The following L1CAM variants were observed in gnomAD, a reference collection of about 807,000 sequenced individuals.
The protein encoded by L1CAM is L1 cell adhesion molecule.
A neutral mutation model predicts 93.0 loss-of-function variants in L1CAM; 8 were observed. The observed-to-expected ratio is 0.09, with a 90% CI of 0.05 to 0.16. The LOEUF (loss-of-function observed/expected upper bound fraction) is 0.16. L1CAM is among the 10% of genes least tolerant of loss of function. L1CAM has a pLI of 1.00. For missense variants in L1CAM, 777 were observed against 1,073.4 expected (o/e 0.72, Z 3.86); for synonymous variants, 453 against 453.0 (o/e 1.00, Z 0.00).
At position 153,865,008 on chromosome X, in the gene L1CAM, C is replaced by T; in HGVS notation, c.2873-14G>A. 2 of 1,212,108 alleles carry T rather than the reference C, an allele frequency of 1.7e-6. No individual in the cohort carries two copies. Among genetic ancestry groups the T allele is most frequent in the Non-Finnish European group, 2.2e-6 (2 of 895,498 alleles). On this transcript the variant is annotated splice_polypyrimidine_tract_variant and intron_variant, in intron 22 of 28. Coordinates refer to ENST00000370060, the MANE Select transcript of L1CAM (RefSeq NM_001278116.2). ...CCCCCTCATCCACTGTGGGGACAGA[C>T]AGGGGTTGGCTGTGGCTGCAGCTCT...
At chrX:153,871,712 G>C (rs1339281950) in intron 5 of L1CAM, among the ~76,000 whole-genome samples, 1 of 111,207 alleles carries the variant, frequency 9.0e-6, no homozygotes, top group Non-Finnish European at 1.9e-5. Context: ...GAGCAAGAGA[G>C]ACCAAGTCGG....
At chrX:153,883,706 G>C in intron 1 of L1CAM, 2 of 332,315 alleles carry the variant, frequency 6.0e-6, no homozygotes, top group Non-Finnish European at 1.2e-5. Flanking sequence ...ACTCATGCCT[G>C]GCAGACCAGG....
At chrX:153,867,010 C>T (rs2064720174) in intron 18 of L1CAM, 44 bp downstream of exon 18, 1 of 1,152,512 alleles carries the variant, frequency 8.7e-7, no homozygotes, top group South Asian at 1.8e-5. Flanking sequence ...ACACCCAGGT[C>T]ATGGCCTCAT....
chrX:153,870,945 T>C lies in L1CAM; in HGVS notation c.539A>G (p.Lys180Arg), dbSNP rs782537495. 8.3e-7 allele frequency: 1 copy of C among 1,211,227 alleles called. No homozygotes were observed. ...YWMNSKILHIKQDERVTMGQN... is the reference protein window; with the variant it reads ...YWMNSKILHIRQDERVTMGQN... ...GCCCATCGTCACCCGCTCGTCCTGC[T>C]TGATGTGCAAGATCTCTGCAGGGGG... is the stretch of plus-strand genomic sequence containing the variant. The change falls in exon 7 of 29, where the codon AAG (lysine) becomes AGG (arginine). Residue 180 changes from lysine to arginine, a missense_variant. Coordinates refer to ENST00000370060, the MANE Select transcript of L1CAM (RefSeq NM_001278116.2).
At position 153,865,713 on chromosome X, in the gene L1CAM, G is replaced by A. The variant is rs201895951; in HGVS notation, c.2538C>T (p.Arg846=). 37 of 1,198,640 alleles carry A rather than the reference G, an allele frequency of 3.1e-5. No homozygotes were observed. The highest frequency in any genetic ancestry group is 3.0e-4 in the East Asian group (10 of 33,716). The change falls in exon 20 of 29, where the codon CGC becomes CGT. Residue 846 remains arginine (R), a synonymous_variant. Coordinates refer to ENST00000370060, the MANE Select transcript of L1CAM (RefSeq NM_001278116.2). ...VDLAQVKGHL[R]GYNVTYWREG... ...TGCCTTCAACCCTTACATTGTATCC[G>A]CGGAGGTGGCCCTTGACCTGGGCCA...
intron 1 of L1CAM, chrX:153,884,440 C>T (rs781847650): frequency 5.1e-5 from 13 of 255,109 alleles, no homozygotes; most frequent in Admixed American, 1.0e-4. Flanking sequence ...AACGTGTTTC[C>T]CTCTTGGTGA....
chrX:153,873,171 C>T (rs1335506525), intron 3 of L1CAM, 57 bp downstream of exon 3: 6 of 1,142,580 alleles, frequency 5.3e-6, no homozygotes, highest in Non-Finnish European at 7.2e-6. Flanking sequence ...CAGCTGAGGG[C>T]CTCCTTACCC....
intron 1 of L1CAM, chrX:153,880,664 G>A (rs1178427838): frequency 2.9e-6 from 1 of 339,379 alleles, no homozygotes; most frequent in Non-Finnish European, 5.9e-6. Context: ...TCCCCGCCCC[G>A]CTCCCCAGGC....
At chrX:153,869,305 C>T (rs1268338667) in intron 11 of L1CAM, 9 of 487,493 alleles carry the variant, frequency 1.8e-5, no homozygotes, top group Non-Finnish European at 2.9e-5. Flanking sequence ...GCGGTCCGCT[C>T]AGTCACAGTG....
rs781911874 is a variant in L1CAM, at chrX:153,875,768, G to A, written c.69C>T (p.Pro23=). 1.7e-6 allele frequency: 2 copies of A among 1,210,118 alleles called. No homozygotes were observed. The highest frequency in any genetic ancestry group is 2.2e-6 in the Non-Finnish European group (2 of 894,030). ...LCSPCLLIQI[P]EEYEGHHVME... The stretch of plus-strand genomic sequence containing the variant: ...CTCCCTTCAGCTACTCACATTCCTC[G>A]GGGATCTGGATAAGCAGGCAGGGGC... Residue 23 remains proline (P), a synonymous_variant, in exon 2 of 29, where the codon CCC becomes CCT. Coordinates refer to ENST00000370060, the MANE Select transcript of L1CAM (RefSeq NM_001278116.2).
In L1CAM at chrX:153,868,834, C is replaced by T. The variant is rs1557092040; in HGVS notation, c.1379+7G>A. ...GACACTCACCACTACCAGGACGAGA[C>T]ACTCACCACTGAACACTGGGCACAG... On this transcript the variant is annotated splice_region_variant and intron_variant, in intron 12 of 28. Coordinates refer to ENST00000370060, the MANE Select transcript of L1CAM (RefSeq NM_001278116.2). The T allele has an allele frequency of 2.5e-6, 3 of 1,207,161 alleles. No homozygotes were observed. Among genetic ancestry groups the T allele is most frequent in the Non-Finnish European group, 2.2e-6 (2 of 891,020 alleles).
chrX:153,863,789 G>T, intron 26 of L1CAM, 94 bp downstream of exon 26: 1 of 1,126,654 alleles, frequency 8.9e-7, no homozygotes, highest in South Asian at 1.9e-5. Context: ...TGGGGAGCTC[G>T]GGGAATCCAG....
intron 2 of L1CAM, 103 bp from the exon 3 acceptor site, chrX:153,873,345 C>T (rs967471010): frequency 5.1e-5 from 45 of 873,942 alleles, no homozygotes; most frequent in Admixed American, 2.4e-4. Flanking sequence ...CTCCTGCAGC[C>T]CCCCCGTGGA....
chrX:153,862,361 C>G lies in L1CAM; in HGVS notation c.*302G>C, dbSNP rs975766179. The G allele has an allele frequency of 3.3e-6, 1 of 306,079 alleles. No homozygotes were observed. The highest frequency in any genetic ancestry group is 5.7e-6 in the Non-Finnish European group (1 of 174,222). The allele number at this position is 306,079 out of a possible 1,213,427, so 25.2% of individuals were successfully genotyped here. On this transcript the variant is annotated 3_prime_UTR_variant, in exon 29 of 29. Transcript: ENST00000370060. The stretch of plus-strand genomic sequence containing the variant: ...GCAAGAAAGACAGCATTTCGGAGAC[C>G]CTTTCGGGCCACCCCTACTTCTTCT...
chrX:153,882,120 C>T (rs1414496086), intron 1 of L1CAM, among the ~76,000 whole-genome samples: 1 of 111,503 alleles, frequency 9.0e-6, no homozygotes, highest in Non-Finnish European at 1.9e-5. Flanking sequence ...ACAGCTCAGA[C>T]ACTGCCAGGC....
intron 1 of L1CAM, chrX:153,880,526 T>C (rs2064838907): frequency 6.6e-6 from 2 of 300,959 alleles, no homozygotes; most frequent in Non-Finnish European, 1.3e-5. Context: ...GGTCAGAGTG[T>C]GGTGCTGGGC....
intron 1 of L1CAM, among the ~76,000 whole-genome samples, chrX:153,879,044 T>A (rs2064830132): frequency 9.0e-6 from 1 of 111,242 alleles, no homozygotes; most frequent in East Asian, 2.8e-4. Flanking sequence ...CTGCTGGGTC[T>A]CTGATCTCTC....
At position 153,862,597 on chromosome X, in the gene L1CAM, C is replaced by A; in HGVS notation, c.*66G>T. On this transcript the variant is annotated 3_prime_UTR_variant, in exon 29 of 29. Coordinates refer to ENST00000370060, the MANE Select transcript of L1CAM (RefSeq NM_001278116.2). Reference sequence around the variant, plus strand: ...TGCCCCAACTCCAGCCTCCCATGGGCCTGCTGGAGAGGGAGGGGCCTGGAT... The same window carrying A: ...TGCCCCAACTCCAGCCTCCCATGGGACTGCTGGAGAGGGAGGGGCCTGGAT... 1.1e-6 allele frequency: 1 copy of A among 908,406 alleles called. No individual in the cohort carries two copies. Among genetic ancestry groups the A allele is most frequent in the Non-Finnish European group, 1.6e-6 (1 of 640,513 alleles). The allele number at this position is 908,406 out of a possible 1,213,427, so 74.9% of individuals were successfully genotyped here. A position where few individuals can be genotyped will look rare whatever the true frequency, so the allele number is the denominator to read the frequency against.
In L1CAM at chrX:153,870,104, C is replaced by T. The variant is rs782423426; in HGVS notation, c.943G>A (p.Glu315Lys). ...TGCCGGGCACTGCCCAGTGAGTTCT[C>T]GGCCAGGCAGCGGTACTCGCCATCA... ...EDDGEYRCLAENSLGSARHAY... is the reference protein window; with the variant it reads ...EDDGEYRCLAKNSLGSARHAY... The change falls in exon 9 of 29, where the codon GAG becomes AAG. Residue 315 changes from glutamate to lysine, a missense_variant. This residue lies in a region of L1CAM where 574 missense variants were observed against 781.0 expected (regional missense o/e 0.73). Coordinates refer to ENST00000370060, the MANE Select transcript of L1CAM (RefSeq NM_001278116.2). 32 of 1,210,487 alleles carry T rather than the reference C, an allele frequency of 2.6e-5. No homozygotes were observed. Among genetic ancestry groups the T allele is most frequent in the South Asian group, 2.6e-4 (15 of 56,835 alleles).
Sources: gnomAD v4.1 joint callset for allele counts (sites outside exome capture counted in the v4.1 genomes callset) on GRCh38, gnomAD v4.1.1 for gene constraint, gnomAD v4.1.1 regional missense constraint, MANE v1.5 for transcripts, NCBI Gene and HGNC (gene_info 2026-07-23, HGNC 2026-07-21) for gene names.